Variants in NEXN observed in about 807,000 individuals in gnomAD.
NEXN encodes nexilin.
NEXN carries 65 observed loss-of-function variants against 92.6 expected under a neutral mutation model. That is an observed-to-expected ratio of 0.70 (90% CI 0.57 to 0.86). The LOEUF (loss-of-function observed/expected upper bound fraction) is 0.86, where lower values mean the gene tolerates loss of function less well. NEXN is among the 40% of genes least tolerant of loss of function. The probability of loss-of-function intolerance (pLI) is 0.00; values close to 1 mark genes in which losing one functional copy is unlikely to be tolerated. For synonymous variants in NEXN, 254 were observed against 242.5 expected (o/e 1.05, Z -0.44); for missense variants, 778 against 771.1 (o/e 1.01, Z -0.11).
chr1:77,934,300 C>T (rs1227187198), intron 10 of NEXN, among the ~76,000 whole-genome samples: 3 of 151,986 alleles, frequency 2.0e-5, no homozygotes, highest in Admixed American at 1.3e-4. Flanking sequence ...CATGAGCCAC[C>T]GCACCCGGCC....
At chr1:77,940,962 A>G (rs1651254402) in intron 11 of NEXN, among the ~76,000 whole-genome samples, 1 of 152,192 alleles carries the variant, frequency 6.6e-6, no homozygotes, top group Non-Finnish European at 1.5e-5. Context: ...AAAAAATCTA[A>G]TGCAGAACCA....
At chr1:77,923,456 A>C (rs1309401356) in intron 5 of NEXN, among the ~76,000 whole-genome samples, 3 of 152,096 alleles carry the variant, frequency 2.0e-5, no homozygotes, top group African/African-American at 7.2e-5. Context: ...CCACTCTTTC[A>C]TTGGTTTTAA....
intron 12 of NEXN, 28 bp downstream of exon 12, chr1:77,942,236 C>G (rs752032385): frequency 6.2e-7 from 1 of 1,602,160 alleles, no homozygotes; most frequent in African/African-American, 1.3e-5. Flanking sequence ...CCTTTATTTT[C>G]CAAAGATGCC....
chr1:77,943,049 C>A lies in NEXN; in HGVS notation c.*220C>A. The stretch of plus-strand genomic sequence containing the variant: ...TCTTATTCCTTTTCATAACAGTCTT[C>A]AAAGCACAGCTCATCTAAAGAATGC... On this transcript the variant is annotated 3_prime_UTR_variant, in exon 13 of 13. Coordinates refer to ENST00000334785, the MANE Select transcript of NEXN (RefSeq NM_144573.4). 1 of 568,338 alleles carries A rather than the reference C, an allele frequency of 1.8e-6. No homozygotes were observed. The highest frequency in any genetic ancestry group is 3.2e-6 in the Non-Finnish European group (1 of 308,758). The allele number at this position is 568,338 out of a possible 1,614,324, so 35.2% of individuals were successfully genotyped here.
intron 8 of NEXN, among the ~76,000 whole-genome samples, chr1:77,929,025 C>A (rs1400859338): frequency 6.6e-6 from 1 of 152,146 alleles, no homozygotes; most frequent in African/African-American, 2.4e-5. Context: ...GAATTACAGG[C>A]GTGAGCCGCC....
chr1:77,909,922 T>G (rs1375030156), intron 1 of NEXN, among the ~76,000 whole-genome samples: 2 of 152,162 alleles, frequency 1.3e-5, no homozygotes, highest in Admixed American at 1.3e-4. Context: ...AACCAATAAT[T>G]TATCATAAAT....
At position 77,943,168 on chromosome 1, in the gene NEXN, T is replaced by C; in HGVS notation, c.*339T>C. ...ATGGGGGGGAATTACTCAATTATTC[T>C]ATCAGAACCTATTATAAAGACTGTA... On this transcript the variant is annotated 3_prime_UTR_variant, in exon 13 of 13. Transcript: ENST00000334785. 9.0e-6 allele frequency: 3 copies of C among 333,366 alleles called. No individual in the cohort carries two copies. Among genetic ancestry groups the C allele is most frequent in the South Asian group, 5.2e-5 (2 of 38,706 alleles). The allele number at this position is 333,366 out of a possible 1,614,324, so 20.7% of individuals were successfully genotyped here.
At chr1:77,906,088 C>T (rs1328591641) in intron 1 of NEXN, among the ~76,000 whole-genome samples, 1 of 151,888 alleles carries the variant, frequency 6.6e-6, no homozygotes, top group Non-Finnish European at 1.5e-5. Context: ...GGTATAGAAG[C>T]CCTCAAAGGA....
intron 8 of NEXN, 44 bp from the exon 9 acceptor site, chr1:77,929,272 C>T (rs9662441): frequency 7.3e-7 from 1 of 1,371,754 alleles, no homozygotes; most frequent in South Asian, 1.2e-5. Flanking sequence ...ATTCCTTTTT[C>T]TGATGAACCT....
intron 11 of NEXN, among the ~76,000 whole-genome samples, chr1:77,937,204 T>C (rs759739980): frequency 5.9e-5 from 9 of 152,008 alleles, no homozygotes; most frequent in Non-Finnish European, 1.2e-4. Context: ...CTTGGGAGGC[T>C]GAGGTGGGAG....
intron 9 of NEXN, 27 bp from the exon 10 acceptor site, chr1:77,933,255 G>C (rs767006177): frequency 5.2e-6 from 7 of 1,353,716 alleles, no homozygotes; most frequent in Non-Finnish European, 7.3e-6. Context: ...ATTCTGGCCA[G>C]AGTGATAAAA....
intron 1 of NEXN, among the ~76,000 whole-genome samples, chr1:77,901,915 T>G (rs988971692): frequency 4.6e-5 from 7 of 152,228 alleles, no homozygotes; most frequent in Non-Finnish European, 1.0e-4. Flanking sequence ...AATTTTTATG[T>G]GTGTTTACAC....
At chr1:77,924,952 G>A (rs1485785103) in intron 5 of NEXN, among the ~76,000 whole-genome samples, 2 of 152,066 alleles carry the variant, frequency 1.3e-5, no homozygotes, top group Non-Finnish European at 2.9e-5. Flanking sequence ...GAGCCACCTC[G>A]TCCAGCCTGA....
chr1:77,905,511 T>C (rs1648047940), intron 1 of NEXN, among the ~76,000 whole-genome samples: 1 of 151,532 alleles, frequency 6.6e-6, no homozygotes, highest in Non-Finnish European at 1.5e-5. Context: ...GGCAACATAG[T>C]GAGACCCTGT....
At chr1:77,918,398 C>A in intron 5 of NEXN, 125 bp downstream of exon 5, 1 of 1,139,954 alleles carries the variant, frequency 8.8e-7, no homozygotes, top group Non-Finnish European at 1.3e-6. Context: ...AGCTAACCGT[C>A]TGGGAATGGT....
At chr1:77,916,243 TTAA>T (rs1648968028) in intron 2 of NEXN, 110 bp downstream of exon 2, 2 of 680,108 alleles carry the variant, frequency 2.9e-6, no homozygotes, top group Admixed American at 2.4e-5. Flanking sequence ...GAGTTCATAA[TTAA>T]TAACATAATG....
At chr1:77,941,110 T>TAA (rs1239165292) in intron 11 of NEXN, among the ~76,000 whole-genome samples, 4 of 152,202 alleles carry the variant, frequency 2.6e-5, no homozygotes, top group African/African-American at 9.6e-5. Flanking sequence ...TATAGGCAAT[T>TAA]AAACTGCTTG....
intron 1 of NEXN, among the ~76,000 whole-genome samples, chr1:77,903,347 A>G (rs919092914): frequency 1.3e-5 from 2 of 152,196 alleles, no homozygotes; most frequent in Non-Finnish European, 2.9e-5. Context: ...TACAATATGT[A>G]TCAGTTAAGA....
chr1:77,926,356 C>T (rs1649836901), intron 6 of NEXN, 58 bp from the exon 7 acceptor site: 18 of 1,240,768 alleles, frequency 1.5e-5, no homozygotes, highest in Non-Finnish European at 1.9e-5. Flanking sequence ...AGGTAAAGTC[C>T]CATGAAACCC....
Sources: allele counts gnomAD v4.1 joint callset (sites outside exome capture counted in the v4.1 genomes callset), GRCh38; gene constraint gnomAD v4.1.1; transcripts MANE v1.5; gene names NCBI Gene and HGNC (gene_info 2026-07-23, HGNC 2026-07-21).